The following ENTREP1 variants were observed in gnomAD, a reference collection of about 807,000 sequenced individuals.
The protein encoded by ENTREP1 is Friedreich ataxia region gene X123.
chr9:69,384,741 G>A, the ENTREP1 span, among the ~76,000 whole-genome samples: 1 of 152,166 alleles, frequency 6.6e-6, no homozygotes, highest in Admixed American at 6.5e-5. Context: ...AATCACAATG[G>A]TGATAAATAA....
chr9:69,386,088 T>A, the ENTREP1 span: 2 of 602,698 alleles, frequency 3.3e-6, no homozygotes, highest in Non-Finnish European at 5.1e-6. Context: ...CTTGGGAAAG[T>A]AAAATATTCT....
the ENTREP1 span, chr9:69,384,155 T>C: frequency 4.0e-5 from 25 of 623,976 alleles, no homozygotes; most frequent in Non-Finnish European, 5.9e-5. Context: ...GCCAGGAGTT[T>C]GAGGCCAGCC....
the ENTREP1 span, chr9:69,383,464 C>T: frequency 3.8e-5 from 56 of 1,487,352 alleles, no homozygotes; most frequent in Non-Finnish European, 4.7e-5. Context: ...GCCACTTCGT[C>T]GGAGAGCAGC....
chr9:69,384,562 C>T, the ENTREP1 span, among the ~76,000 whole-genome samples: 2 of 152,174 alleles, frequency 1.3e-5, no homozygotes, highest in Non-Finnish European at 2.9e-5. Flanking sequence ...TCATTTATAA[C>T]CTAGGGCCCA....
At chr9:69,373,967 A>G in the ENTREP1 span, among the ~76,000 whole-genome samples, 34 of 152,218 alleles carry the variant, frequency 2.2e-4, no homozygotes, top group Admixed American at 5.2e-4. Context: ...TTGTACTCCA[A>G]ACAATATTTC....
At chr9:69,350,682 G>C in the ENTREP1 span, among the ~76,000 whole-genome samples, 3 of 152,056 alleles carry the variant, frequency 2.0e-5, no homozygotes, top group African/African-American at 7.2e-5. Flanking sequence ...GCTCTCTCAG[G>C]GTTTGAATAC....
the ENTREP1 span, among the ~76,000 whole-genome samples, chr9:69,364,700 A>G: frequency 2.6e-5 from 4 of 152,186 alleles, no homozygotes; most frequent in Non-Finnish European, 5.9e-5. Context: ...GCTGTGTCTC[A>G]TATATGCCAC....
At chr9:69,357,095 C>CAAAAAAAAAAA in the ENTREP1 span, among the ~76,000 whole-genome samples, 1 of 88,978 alleles carries the variant, frequency 1.1e-5, no homozygotes. Context: ...ACCATCTCTA[C>CAAAAAAAAAAA]AAAAAAAAAA....
At chr9:69,381,224 T>C in the ENTREP1 span, 1 of 152,224 alleles carries the variant, frequency 6.6e-6, no homozygotes, top group African/African-American at 2.4e-5. Context: ...CTAGAGTCTC[T>C]GCAGAGGGTG....
At chr9:69,349,746 CA>C in the ENTREP1 span, among the ~76,000 whole-genome samples, 1 of 152,132 alleles carries the variant, frequency 6.6e-6, no homozygotes, top group Admixed American at 6.5e-5. Flanking sequence ...ATAGCTTAGT[CA>C]AGCTTACTTT....
the ENTREP1 span, among the ~76,000 whole-genome samples, chr9:69,365,347 A>G: frequency 5.7e-3 from 869 of 152,280 alleles, 1 homozygote; most frequent in Non-Finnish European, 9.2e-3. Context: ...ATCATACAGT[A>G]TCTGGCTAAT....
chr9:69,341,462 A>G, the ENTREP1 span, among the ~76,000 whole-genome samples: 29 of 137,698 alleles, frequency 2.1e-4, no homozygotes, highest in African/African-American at 7.3e-4. Flanking sequence ...AAGAGACTAC[A>G]AAATGGCTTA....
the ENTREP1 span, among the ~76,000 whole-genome samples, chr9:69,374,130 T>C: frequency 1.3e-3 from 200 of 152,344 alleles, no homozygotes; most frequent in African/African-American, 4.3e-3. Flanking sequence ...TTTTTGTGTC[T>C]GACTTATTTT....
At chr9:69,378,734 G>C in the ENTREP1 span, among the ~76,000 whole-genome samples, 5 of 149,130 alleles carry the variant, frequency 3.4e-5, no homozygotes, top group Non-Finnish European at 1.5e-5. Context: ...ACTCCAGCCT[G>C]GGTGAGAGCG....
chr9:69,343,581 A>C, the ENTREP1 span, among the ~76,000 whole-genome samples: 32 of 152,296 alleles, frequency 2.1e-4, no homozygotes, highest in African/African-American at 7.2e-4. Context: ...TGAGTAGCCG[A>C]TGTTGAAAAG....
chr9:69,329,559 C>T, the ENTREP1 span: 30,600 of 984,870 alleles, frequency 0.031, 542 homozygotes, highest in Non-Finnish European at 0.034. Context: ...GAGTTTTTAA[C>T]GTAGTCTGTG....
the ENTREP1 span, among the ~76,000 whole-genome samples, chr9:69,368,222 T>TCAG: frequency 1.3e-5 from 2 of 152,094 alleles, no homozygotes; most frequent in African/African-American, 4.8e-5. Context: ...ATAGGACTTC[T>TCAG]AGTACTGTGT....
chr9:69,377,512 C>A, the ENTREP1 span: 1 of 1,607,970 alleles, frequency 6.2e-7, no homozygotes, highest in South Asian at 1.1e-5. Flanking sequence ...GCCACGTTTC[C>A]GCTGAGCCAG....
chr9:69,375,652 TCTACAGGATTGGTG>T, the ENTREP1 span: 5 of 1,089,086 alleles, frequency 4.6e-6, no homozygotes, highest in South Asian at 5.7e-5. Context: ...ATCATCTCAT[TCTACAGGATTGGTG>T]CTCCATGGTA....
Sources: gnomAD v4.1 joint callset for allele counts (sites outside exome capture counted in the v4.1 genomes callset) on GRCh38, gnomAD v4.1.1 for gene constraint, MANE v1.5 for transcripts, NCBI Gene and HGNC (gene_info 2026-07-23, HGNC 2026-07-21) for gene names.